The following KCTD8 variants were observed in gnomAD, a reference collection of about 807,000 sequenced individuals.
KCTD8 encodes the protein BTB/POZ domain-containing protein KCTD8.
Under a neutral mutation model 31.5 loss-of-function variants are expected in KCTD8, and 27 were observed. That is an observed-to-expected ratio of 0.86 (90% CI 0.63 to 1.18). KCTD8 has a LOEUF of 1.18. Ranked by LOEUF, KCTD8 falls within the 50% of genes most tolerant of loss-of-function variation. The pLI is 0.00. For synonymous variants in KCTD8, 290 were observed against 280.0 expected (o/e 1.04, Z -0.36); for missense variants, 658 against 647.7 (o/e 1.02, Z -0.17).
rs772318561 is a variant in KCTD8, at chr4:44,448,449, C to T, written c.75G>A (p.Ser25=). ...GGGCGGCGGCGGCCGACGCGCCGGG[C>T]GAGCTGGACGAGGAAACCATCTCGC... is the stretch of plus-strand genomic sequence containing the variant. The part of the protein sequence containing the change: ...PISEMVSSSS[S]PGASAAAAPG... The change falls in exon 1 of 2, where the codon TCG becomes TCA. Residue 25 remains serine (S), a synonymous_variant. Coordinates refer to ENST00000360029, the MANE Select transcript of KCTD8 (RefSeq NM_198353.3). This position sits in a 1 kb window ranked among gnomAD's most constrained non-coding sequence, Gnocchi z 4.1. The T allele has an allele frequency of 5.2e-6, 8 of 1,542,862 alleles. No homozygotes were observed. The South Asian group carries it at 8.9e-5, about 17-fold the overall frequency.
At chr4:44,296,068 C>T (rs937085868) in intron 1 of KCTD8, among the ~76,000 whole-genome samples, 7 of 151,994 alleles carry the variant, frequency 4.6e-5, no homozygotes, top group Admixed American at 2.0e-4. Context: ...TTGTTTTTAA[C>T]GTAATTTTGC....
At chr4:44,405,289 C>T (rs1385719391) in intron 1 of KCTD8, among the ~76,000 whole-genome samples, 4 of 151,856 alleles carry the variant, frequency 2.6e-5, no homozygotes, top group East Asian at 3.9e-4. Context: ...GACGGAGTCT[C>T]GCTCTGTCGC....
In KCTD8 at chr4:44,447,988, A is replaced by G. The variant is rs1721993579; in HGVS notation, c.536T>C (p.Leu179Pro). The change falls in exon 1 of 2, where the codon CTG becomes CCG. Residue 179 changes from leucine to proline, a missense_variant. Transcript: ENST00000360029. ...GGGCACGGCGGCCGCCGCCCCGCGC[A>G]GCAGCAGCGCGTCGCTGCTACCCTG... ...VSQGSSDALL[L>P]RGAAAAVPSG... The G allele has an allele frequency of 2.6e-5, 41 of 1,554,244 alleles. No individual in the cohort carries two copies. Among genetic ancestry groups the G allele is most frequent in the Non-Finnish European group, 3.6e-5 (41 of 1,149,826 alleles).
intron 1 of KCTD8, among the ~76,000 whole-genome samples, chr4:44,409,030 T>A (rs2109462270): frequency 6.6e-6 from 1 of 151,732 alleles, no homozygotes; most frequent in East Asian, 2.0e-4. Context: ...ATTGTTTGTG[T>A]CCAGGAGTTT....
rs548208591 is a variant in KCTD8 at position 44,356,576 on chromosome 4, C to T, written c.961+90987G>A. 3.8e-4 allele frequency among the ~76,000 whole-genome samples: 58 copies of T among 152,216 alleles called. 1 individual carries two copies. Among genetic ancestry groups the T allele is most frequent in the Admixed American group, 2.7e-3 (41 of 15,286 alleles). ...GCAACTTCCGCCTCCCGGGTTCAAGCGATTCTCCTGCCTCAGCCTGCCGAG... is the reference window on the plus strand; with the variant it reads ...GCAACTTCCGCCTCCCGGGTTCAAGTGATTCTCCTGCCTCAGCCTGCCGAG... On this transcript the variant is annotated intron_variant, in intron 1 of 1. Transcript: ENST00000360029.
intron 1 of KCTD8, among the ~76,000 whole-genome samples, chr4:44,357,298 G>A (rs960519515): frequency 7.2e-5 from 11 of 152,120 alleles, no homozygotes; most frequent in Admixed American, 6.5e-4. Context: ...CTTTCTTTGC[G>A]AGGCTGCCTT....
At chr4:44,376,008 T>C (rs1294009104) in intron 1 of KCTD8, among the ~76,000 whole-genome samples, 1 of 152,106 alleles carries the variant, frequency 6.6e-6, no homozygotes, top group Admixed American at 6.6e-5. Context: ...AGGGGAGTGA[T>C]TATGTGGTTG....
At chr4:44,380,019 A>G (rs1160087865) in intron 1 of KCTD8, among the ~76,000 whole-genome samples, 2 of 152,082 alleles carry the variant, frequency 1.3e-5, no homozygotes, top group Admixed American at 6.6e-5. Flanking sequence ...ATAAAGACAC[A>G]CATTATCTAG....
intron 1 of KCTD8, among the ~76,000 whole-genome samples, chr4:44,346,736 C>A (rs4695710): frequency 0.12 from 18,243 of 152,116 alleles, 1,309 homozygotes; most frequent in East Asian, 0.24. Flanking sequence ...CTCCAAGTCA[C>A]CACAAGCTGA....
intron 1 of KCTD8, among the ~76,000 whole-genome samples, chr4:44,335,213 T>C (rs866083573): frequency 5.3e-5 from 8 of 152,180 alleles, no homozygotes; most frequent in Middle Eastern, 6.8e-3. Context: ...GGAAAATAAT[T>C]TTAAGTGAAA....
chr4:44,188,138 G>A (rs1027726868), intron 1 of KCTD8, among the ~76,000 whole-genome samples: 1 of 152,100 alleles, frequency 6.6e-6, no homozygotes, highest in Non-Finnish European at 1.5e-5. Flanking sequence ...GCCAATAAAT[G>A]TTTTCAAGTA....
At chr4:44,273,473 G>A (rs906387365) in intron 1 of KCTD8, among the ~76,000 whole-genome samples, 3 of 151,806 alleles carry the variant, frequency 2.0e-5, no homozygotes, top group Admixed American at 6.6e-5. Context: ...GACTGCAGAG[G>A]CTTGGAATAC....
intron 1 of KCTD8, among the ~76,000 whole-genome samples, chr4:44,350,284 C>T (rs535541629): frequency 1.3e-5 from 2 of 152,288 alleles, no homozygotes; most frequent in Non-Finnish European, 2.9e-5. Context: ...TCCTACCCAT[C>T]ATCTGAAGCC....
chr4:44,300,669 A>T (rs1314985838), intron 1 of KCTD8, among the ~76,000 whole-genome samples: 1 of 151,432 alleles, frequency 6.6e-6, no homozygotes, highest in Non-Finnish European at 1.5e-5. Flanking sequence ...TGTTTTTTAA[A>T]TGCTTATTCA....
intron 1 of KCTD8, among the ~76,000 whole-genome samples, chr4:44,204,497 C>A (rs1254191552): frequency 6.6e-6 from 1 of 152,118 alleles, no homozygotes; most frequent in Non-Finnish European, 1.5e-5. Context: ...AGCCCCCAGT[C>A]ATGTACCCCC....
intron 1 of KCTD8, among the ~76,000 whole-genome samples, chr4:44,318,805 G>C (rs959332152): frequency 5.3e-5 from 8 of 152,184 alleles, no homozygotes; most frequent in African/African-American, 1.7e-4. Context: ...TATTGTTGCT[G>C]CTGTTCTTTT....
chr4:44,234,835 T>C (rs2109354077), intron 1 of KCTD8, among the ~76,000 whole-genome samples: 1 of 152,280 alleles, frequency 6.6e-6, no homozygotes, highest in African/African-American at 2.4e-5. Context: ...ACTGAAATTA[T>C]CACTTTTAAA....
chr4:44,211,104 T>C (rs539669254), intron 1 of KCTD8, among the ~76,000 whole-genome samples: 56 of 152,338 alleles, frequency 3.7e-4, no homozygotes, highest in South Asian at 6.2e-4. Flanking sequence ...GAAGGAAATA[T>C]TAGGCTCATT....
intron 1 of KCTD8, among the ~76,000 whole-genome samples, chr4:44,317,333 G>A (rs58973969): frequency 0.067 from 8,534 of 127,266 alleles, 604 homozygotes; most frequent in Admixed American, 0.17. Flanking sequence ...TCCGCTTCCC[G>A]GGTTCACGCC....
Sources: allele counts gnomAD v4.1 joint callset (sites outside exome capture counted in the v4.1 genomes callset), GRCh38; gene constraint gnomAD v4.1.1; non-coding constraint Gnocchi (gnomAD v3.1); transcripts MANE v1.5; gene names NCBI Gene and HGNC (gene_info 2026-07-23, HGNC 2026-07-21).